Variants in KATNIP observed in about 807,000 individuals in gnomAD.
KATNIP encodes katanin interacting protein.
In KATNIP, 126 loss-of-function variants were observed where a neutral mutation model predicts 174.0. The observed-to-expected ratio is 0.72, with a 90% CI of 0.63 to 0.84. The LOEUF is 0.84. Ranked by LOEUF, KATNIP falls within the 40% of genes least tolerant of loss-of-function variation. KATNIP has a pLI of 0.00. For synonymous variants in KATNIP, 810 were observed against 835.7 expected, an observed-to-expected ratio of 0.97 and a Z score of 0.53; for missense variants, 1,958 against 2,109.7, an observed-to-expected ratio of 0.93 and a Z score of 1.41.
In KATNIP at chr16:27,777,011, A is replaced by G. The variant is rs765411613; in HGVS notation, c.4533A>G (p.Arg1511=). 4 of 1,611,010 alleles carry G rather than the reference A, an allele frequency of 2.5e-6. No individual in the cohort carries two copies. The highest frequency in any genetic ancestry group is 1.1e-5 in the South Asian group (1 of 91,026). Residue 1511 remains arginine (R), a synonymous_variant, in exon 25 of 28, where the codon CGA becomes CGG. Coordinates refer to ENST00000261588, the MANE Select transcript of KATNIP (RefSeq NM_015202.5). This position sits in a 1 kb window ranked among gnomAD's most constrained non-coding sequence, Gnocchi z 4.4. ...KLWNYAKTPH[R]GVKEFGLLVD... is the part of the protein sequence containing the mutation. ...GGAATTATGCGAAAACACCCCATCG[A>G]GGGGTGAAGGAGTTTGGCGTAAGTA...
chr16:27,590,735 G>A (rs1207028836), intron 2 of KATNIP, among the ~76,000 whole-genome samples: 1 of 152,164 alleles, frequency 6.6e-6, no homozygotes, highest in Non-Finnish European at 1.5e-5. Flanking sequence ...TCCTCTCCCT[G>A]GAGAATGTGC....
intron 15 of KATNIP, among the ~76,000 whole-genome samples, chr16:27,747,816 T>C (rs1358462657): frequency 2.0e-5 from 3 of 151,946 alleles, no homozygotes; most frequent in African/African-American, 7.3e-5. Flanking sequence ...AATAGGGCTG[T>C]GGTTGGAGGG....
chr16:27,775,915 T>A (rs2082480079), intron 24 of KATNIP, among the ~76,000 whole-genome samples: 1 of 152,192 alleles, frequency 6.6e-6, no homozygotes, highest in Non-Finnish European at 1.5e-5. Flanking sequence ...CCCCCCCTAT[T>A]GAGCGTCCTC....
At chr16:27,696,665 A>G (rs1304295817) in intron 8 of KATNIP, among the ~76,000 whole-genome samples, 1 of 151,262 alleles carries the variant, frequency 6.6e-6, no homozygotes, top group African/African-American at 2.4e-5. Flanking sequence ...AGAGAACACG[A>G]TCTCATTCTT....
chr16:27,635,588 C>T (rs936781987), intron 5 of KATNIP, among the ~76,000 whole-genome samples: 1 of 151,100 alleles, frequency 6.6e-6, no homozygotes, highest in Non-Finnish European at 1.5e-5. Context: ...AGGCACTGTG[C>T]AAGGCTCTAG....
rs1318705269 is a variant in KATNIP at position 27,776,629 on chromosome 16, G to T, written c.4450-299G>T. 3.9e-5 allele frequency among the ~76,000 whole-genome samples: 6 copies of T among 152,160 alleles called. No homozygotes were observed. The highest frequency in any genetic ancestry group is 7.3e-5 in the Non-Finnish European group (5 of 68,030). Reference sequence around the variant, plus strand: ...TTCTGGGCCTGACCTGAGGGGACGTGGGGGAGGGCCGAGGATGTTCCCAAT... The same window carrying T: ...TTCTGGGCCTGACCTGAGGGGACGTTGGGGAGGGCCGAGGATGTTCCCAAT... On this transcript the variant is annotated intron_variant, in intron 24 of 27. Transcript: ENST00000261588. The surrounding 1 kb of genome is among the most constrained non-coding windows in gnomAD (Gnocchi z 4.7).
chr16:27,583,054 G>C (rs1240412224), intron 2 of KATNIP, among the ~76,000 whole-genome samples: 1 of 152,122 alleles, frequency 6.6e-6, no homozygotes, highest in African/African-American at 2.4e-5. Context: ...CACTGCAGGA[G>C]ATGTGTACAC....
intron 1 of KATNIP, among the ~76,000 whole-genome samples, chr16:27,553,228 C>G (rs1227308280): frequency 6.6e-6 from 1 of 152,172 alleles, no homozygotes; most frequent in East Asian, 1.9e-4. Context: ...TTTAAAAAAT[C>G]ACATTTGTTA....
Position 27,708,762 on chromosome 16 carries a change from A to T in KATNIP, c.1447A>T (p.Ile483Phe), listed in dbSNP as rs544793529. Residue 483 changes from isoleucine (I) to phenylalanine (F), a missense_variant, in exon 13 of 28, where the codon ATC becomes TTC. By Grantham distance (21) the Ile-to-Phe change is conservative. Transcript: ENST00000261588. The part of the protein sequence containing the change: ...IKDAIYVTME[I>F]LSNWGNSWWV... ...AGATGCCATCTACGTGACCATGGAG[A>T]TCCTGTCCAACTGGGGCAACTCGTG... The T allele has an allele frequency of 6.2e-7, 1 of 1,613,770 alleles. No individual in the cohort carries two copies. The highest frequency in any genetic ancestry group is 1.1e-5 in the South Asian group (1 of 91,062).
At chr16:27,700,169 C>T (rs2079049594) in intron 10 of KATNIP, among the ~76,000 whole-genome samples, 1 of 152,136 alleles carries the variant, frequency 6.6e-6, no homozygotes, top group Non-Finnish European at 1.5e-5. Flanking sequence ...GCCTCAGCCT[C>T]CCAAAGTGCT....
intron 2 of KATNIP, among the ~76,000 whole-genome samples, chr16:27,578,184 T>C (rs1460053027): frequency 6.6e-6 from 1 of 151,848 alleles, no homozygotes; most frequent in African/African-American, 2.4e-5. Context: ...CATACAAAAA[T>C]TAGCCAGGCG....
At chr16:27,609,414 G>A (rs2075819014) in intron 2 of KATNIP, among the ~76,000 whole-genome samples, 3 of 131,038 alleles carry the variant, frequency 2.3e-5, no homozygotes, top group African/African-American at 3.0e-5. Flanking sequence ...TTTTTGAGAC[G>A]GAGTCTCGCT....
chr16:27,564,470 C>T (rs981105693), intron 1 of KATNIP, among the ~76,000 whole-genome samples: 2 of 151,986 alleles, frequency 1.3e-5, no homozygotes, highest in African/African-American at 2.4e-5. Flanking sequence ...AGCAAATGCG[C>T]GTTAACGGTG....
intron 2 of KATNIP, among the ~76,000 whole-genome samples, chr16:27,606,825 G>A (rs952941057): frequency 8.6e-5 from 13 of 151,842 alleles, no homozygotes; most frequent in Admixed American, 4.6e-4. Flanking sequence ...CTCAGCCTCC[G>A]GAAGTGCTGG....
intron 17 of KATNIP, among the ~76,000 whole-genome samples, chr16:27,752,576 G>A (rs1293429906): frequency 6.6e-6 from 1 of 152,182 alleles, no homozygotes; most frequent in Admixed American, 6.5e-5. Flanking sequence ...TTTAGAGATA[G>A]GGCCTGGCAC....
At chr16:27,597,919 A>T (rs997724596) in intron 2 of KATNIP, among the ~76,000 whole-genome samples, 1 of 152,162 alleles carries the variant, frequency 6.6e-6, no homozygotes, top group Non-Finnish European at 1.5e-5. Context: ...TGTGAGCTGC[A>T]GTTCCACTCT....
chr16:27,731,278 CAG>C lies in KATNIP; in HGVS notation c.1744-8762_1744-8761del, dbSNP rs369729968. Among the ~76,000 whole-genome samples, 89 of 152,342 alleles carry C rather than the reference CAG, an allele frequency of 5.8e-4. No homozygotes were observed. In the East Asian group the frequency reaches 6.4e-3, roughly 11 times the overall value. The stretch of plus-strand genomic sequence containing the variant: ...GGCTGCTGCCAACCTCTGGCAGAAA[CAG>C]GGGGATTGCCGCACTGGGCCCTGCA... On this transcript the variant is annotated intron_variant, in intron 14 of 27. Transcript: ENST00000261588.
chr16:27,740,637 GC>G lies in KATNIP; in HGVS notation c.2344del (p.Leu782TrpfsTer215). 3.7e-6 allele frequency: 6 copies of G among 1,614,216 alleles called. No individual in the cohort carries two copies. Among genetic ancestry groups the G allele is most frequent in the Non-Finnish European group, 5.1e-6 (6 of 1,180,030 alleles). ...AACCCCTCTGGCTTAGTCCCGAGAA[GC>G]CCCTGGCCTGGAAGGGCAGGCTCCC... Reference protein sequence around the residue: ...PKPLWLSPEKPLAWKGRLPSD... With the variant: ...PKPLWLSPEKXLAWKGRLPSD... On this transcript the variant is annotated frameshift_variant, in exon 15 of 28. Transcript: ENST00000261588. LOFTEE classifies it high-confidence loss of function.
At chr16:27,625,595 A>G (rs924796589) in intron 3 of KATNIP, among the ~76,000 whole-genome samples, 4 of 152,368 alleles carry the variant, frequency 2.6e-5, no homozygotes, top group Admixed American at 2.0e-4. Flanking sequence ...CCAGGCTTCC[A>G]AGGCTGGCAA....
Sources: gnomAD v4.1 joint callset for allele counts (sites outside exome capture counted in the v4.1 genomes callset) on GRCh38, gnomAD v4.1.1 for gene constraint, Gnocchi (gnomAD v3.1) non-coding constraint, MANE v1.5 for transcripts, NCBI Gene and HGNC (gene_info 2026-07-23, HGNC 2026-07-21) for gene names.